GPC5: variants seen among roughly 807,000 people sequenced by gnomAD.
GPC5 encodes glypican 5, also known as glypican-5.
A neutral mutation model predicts 53.9 loss-of-function variants in GPC5; 47 were observed. The ratio of observed to expected loss-of-function variants is 0.87; its 90% CI spans 0.69 to 1.11. The LOEUF (loss-of-function observed/expected upper bound fraction) is 1.11, where lower values mean the gene tolerates loss of function less well. Among genes scored for constraint, GPC5 ranks in the 50% most tolerant of loss-of-function variants. The pLI, the probability that GPC5 is intolerant of heterozygous loss-of-function variation, is 0.00. For synonymous variants in GPC5, 286 were observed against 263.3 expected, an observed-to-expected ratio of 1.09 and a Z score of -0.84; for missense variants, 748 against 713.1, an observed-to-expected ratio of 1.05 and a Z score of -0.56.
At chr13:92,823,036 T>C (rs1877726135) in intron 7 of GPC5, among the ~76,000 whole-genome samples, 1 of 151,844 alleles carries the variant, frequency 6.6e-6, no homozygotes, top group South Asian at 2.1e-4. Context: ...TTTTTTCCAC[T>C]AAAAGATTAA....
chr13:92,730,024 C>T (rs946965499), intron 7 of GPC5, among the ~76,000 whole-genome samples: 19 of 151,270 alleles, frequency 1.3e-4, no homozygotes, highest in South Asian at 2.1e-4. Context: ...GAAATATAAA[C>T]GAATTATAGC....
intron 7 of GPC5, among the ~76,000 whole-genome samples, chr13:92,364,935 T>G (rs1478844680): frequency 2.0e-5 from 3 of 151,838 alleles, no homozygotes; most frequent in Non-Finnish European, 2.9e-5. Flanking sequence ...TTGCAAGTTT[T>G]GTAAACTCTT....
chr13:91,942,583 T>A (rs2039937520), intron 6 of GPC5, among the ~76,000 whole-genome samples: 1 of 152,088 alleles, frequency 6.6e-6, no homozygotes, highest in African/African-American at 2.4e-5. Flanking sequence ...TGCAATATAT[T>A]ACAAAAATGA....
chr13:92,315,028 C>T (rs368750639), intron 7 of GPC5, among the ~76,000 whole-genome samples: 46 of 152,248 alleles, frequency 3.0e-4, no homozygotes, highest in Admixed American at 2.1e-3. Context: ...CCTGCTGCCT[C>T]GGCCTCTCAA....
At chr13:92,847,730 T>A (rs1952359292) in intron 7 of GPC5, among the ~76,000 whole-genome samples, 1 of 152,078 alleles carries the variant, frequency 6.6e-6, no homozygotes, top group Admixed American at 6.6e-5. Context: ...TATGAAGATT[T>A]GTTTTTTGTA....
chr13:91,708,841 G>A (rs1343520648), intron 3 of GPC5, among the ~76,000 whole-genome samples: 2 of 152,090 alleles, frequency 1.3e-5, no homozygotes, highest in East Asian at 1.9e-4. Context: ...GAGACTCAGA[G>A]GAATAATGTG....
chr13:92,575,927 C>T (rs1594316628), intron 7 of GPC5, among the ~76,000 whole-genome samples: 1 of 152,256 alleles, frequency 6.6e-6, no homozygotes, highest in African/African-American at 2.4e-5. Context: ...ATGCATTCCG[C>T]AGATGCAATG....
chr13:92,183,889 C>G (rs2139039027), intron 7 of GPC5, among the ~76,000 whole-genome samples: 1 of 151,998 alleles, frequency 6.6e-6, no homozygotes, highest in East Asian at 1.9e-4. Context: ...TAATAAATAT[C>G]ATTTAGTTTA....
chr13:91,846,781 A>G (rs990077733), intron 5 of GPC5, among the ~76,000 whole-genome samples: 3 of 152,096 alleles, frequency 2.0e-5, no homozygotes, highest in Admixed American at 1.3e-4. Context: ...AAAATGTTGA[A>G]GGTACTCTAG....
At chr13:91,598,294 G>A (rs1177292617) in intron 2 of GPC5, among the ~76,000 whole-genome samples, 1 of 151,106 alleles carries the variant, frequency 6.6e-6, no homozygotes, top group Non-Finnish European at 1.5e-5. Context: ...TTTTTATATT[G>A]TGTGGCATGA....
intron 7 of GPC5, among the ~76,000 whole-genome samples, chr13:92,727,343 C>T (rs1233898096): frequency 2.6e-5 from 4 of 151,414 alleles, no homozygotes; most frequent in Admixed American, 1.3e-4. Flanking sequence ...TAAATGTAAC[C>T]AAAGCCAGAT....
chr13:91,847,484 G>A (rs2038865145), intron 5 of GPC5, among the ~76,000 whole-genome samples: 1 of 152,068 alleles, frequency 6.6e-6, no homozygotes, highest in African/African-American at 2.4e-5. Flanking sequence ...ATTAGGCATG[G>A]TTTGCTCCCT....
At chr13:91,507,081 C>T (rs1014312142) in intron 2 of GPC5, among the ~76,000 whole-genome samples, 15 of 151,938 alleles carry the variant, frequency 9.9e-5, no homozygotes, top group Admixed American at 7.9e-4. Context: ...TTGGGGGCTG[C>T]TATAAGAGAA....
intron 7 of GPC5, among the ~76,000 whole-genome samples, chr13:92,217,161 G>T (rs1282898827): frequency 6.6e-6 from 1 of 152,098 alleles, no homozygotes; most frequent in Admixed American, 6.6e-5. Flanking sequence ...CATGAACAGT[G>T]CATTCGCAAT....
intron 2 of GPC5, among the ~76,000 whole-genome samples, chr13:91,668,403 C>A (rs1475716396): frequency 6.6e-6 from 1 of 152,190 alleles, no homozygotes; most frequent in African/African-American, 2.4e-5. Context: ...TCTCTCTTAG[C>A]CTGTTTCCTC....
chr13:92,430,978 C>T (rs1877058802), intron 7 of GPC5, among the ~76,000 whole-genome samples: 1 of 152,108 alleles, frequency 6.6e-6, no homozygotes. Flanking sequence ...ATAAATATTT[C>T]TAGATTAGTA....
intron 2 of GPC5, among the ~76,000 whole-genome samples, chr13:91,492,344 G>T (rs1046244194): frequency 1.1e-4 from 16 of 152,170 alleles, no homozygotes; most frequent in Admixed American, 1.0e-3. Flanking sequence ...TGGAGACCGA[G>T]AAGTTCCATG....
intron 1 of GPC5, among the ~76,000 whole-genome samples, chr13:91,447,988 A>G (rs1555308522): frequency 1.3e-5 from 2 of 152,156 alleles, no homozygotes; most frequent in Non-Finnish European, 2.9e-5. Flanking sequence ...TCTGCTGTGC[A>G]TAAAGGTGCT....
At chr13:91,957,824 A>G (rs1340733801) in intron 6 of GPC5, among the ~76,000 whole-genome samples, 1 of 152,086 alleles carries the variant, frequency 6.6e-6, no homozygotes, top group Non-Finnish European at 1.5e-5. Context: ...GGAGGATGAT[A>G]TCTACCATCA....
Sources: allele counts gnomAD v4.1 joint callset (sites outside exome capture counted in the v4.1 genomes callset), GRCh38; gene constraint gnomAD v4.1.1; transcripts MANE v1.5; gene names NCBI Gene and HGNC (gene_info 2026-07-23, HGNC 2026-07-21).